Variants in ZSWIM6 observed in about 807,000 individuals in gnomAD.
ZSWIM6 encodes zinc finger SWIM domain-containing protein 6.
ZSWIM6 carries 9 observed loss-of-function variants against 113.2 expected under a neutral mutation model. That is an observed-to-expected ratio of 0.08 (90% CI 0.05 to 0.14). The LOEUF is 0.14. Among genes scored for constraint, ZSWIM6 ranks in the 10% least tolerant of loss-of-function variants. The pLI is 1.00. For missense variants in ZSWIM6, 1,162 were observed against 1,552.2 expected, an observed-to-expected ratio of 0.75 and a Z score of 4.22; for synonymous variants, 611 against 606.5, an observed-to-expected ratio of 1.01 and a Z score of -0.11.
chr5:61,487,821 G>A (rs1199626168), intron 2 of ZSWIM6, among the ~76,000 whole-genome samples: 1 of 151,984 alleles, frequency 6.6e-6, no homozygotes, highest in East Asian at 1.9e-4. Context: ...TATCATCCGT[G>A]AACAGGGATA....
intron 1 of ZSWIM6, among the ~76,000 whole-genome samples, chr5:61,386,709 G>A (rs1272304471): frequency 6.6e-6 from 1 of 152,158 alleles, no homozygotes; most frequent in Admixed American, 6.5e-5. Flanking sequence ...TGCTAATCAG[G>A]AATATATTTT....
Position 61,521,423 on chromosome 5 carries a change from G to T in ZSWIM6, c.1494G>T (p.Gln498His), listed in dbSNP as rs1003655888. The stretch of plus-strand genomic sequence containing the variant: ...CCAACTTAACCAATGCTCTGCCTCA[G>T]GGTGCAAATGCCAACCAAGGTGAGT... ...ELPNLTNALP[Q>H]GANANQDSSN... Residue 498 changes from glutamine to histidine, a missense_variant, in exon 5 of 14, where the codon CAG (glutamine) becomes CAT (histidine). Physicochemically the swap from Gln to His is conservative, Grantham distance 24. Transcript: ENST00000252744. 6.8e-7 allele frequency: 1 copy of T among 1,480,582 alleles called. No homozygotes were observed. Among genetic ancestry groups the T allele is most frequent in the African/African-American group, 1.4e-5 (1 of 69,798 alleles). 91.7% of individuals were successfully genotyped at this position (1,480,582 alleles called of 1,614,324 possible). A position where few individuals can be genotyped will look rare whatever the true frequency, so the allele number is the denominator to read the frequency against.
chr5:61,540,935 TTTGTTG>T (rs796968614), intron 12 of ZSWIM6, among the ~76,000 whole-genome samples: 63 of 130,416 alleles, frequency 4.8e-4, no homozygotes, highest in South Asian at 1.0e-3. Context: ...TTTTTTTTTT[TTTGTTG>T]TTGTTGTTGT....
chr5:61,486,318 ATTGTG>A (rs1748021342), intron 2 of ZSWIM6, among the ~76,000 whole-genome samples: 1 of 152,012 alleles, frequency 6.6e-6, no homozygotes, highest in African/African-American at 2.4e-5. Context: ...ATAGTATTTC[ATTGTG>A]TATCTGTACC....
chr5:61,517,375 C>T (rs542997706), intron 4 of ZSWIM6, among the ~76,000 whole-genome samples: 1 of 152,284 alleles, frequency 6.6e-6, no homozygotes, highest in South Asian at 2.1e-4. Flanking sequence ...CATTCACTGA[C>T]TTTTCCCTCT....
Position 61,521,454 on chromosome 5 carries a change from A to G in ZSWIM6, c.1513+12A>G, listed in dbSNP as rs1749118855. 6.9e-7 allele frequency: 1 copy of G among 1,445,266 alleles called. No homozygotes were observed. The highest frequency in any genetic ancestry group is 9.2e-7 in the Non-Finnish European group (1 of 1,091,524). 89.5% of individuals were successfully genotyped at this position (1,445,266 alleles called of 1,614,324 possible). On this transcript the variant is annotated intron_variant, in intron 5 of 13. Transcript: ENST00000252744. The stretch of plus-strand genomic sequence containing the variant: ...AAATGCCAACCAAGGTGAGTCTACC[A>G]TAATGTTCTGCTTAAATTGTAGCTA...
In ZSWIM6 at chr5:61,543,316, ATTACT is replaced by A. The variant is rs2112296575; in HGVS notation, c.2786-134_2786-130del. On this transcript the variant is annotated intron_variant, in intron 13 of 13. Coordinates refer to ENST00000252744, the MANE Select transcript of ZSWIM6 (RefSeq NM_020928.2). The surrounding 1 kb of genome is among the most constrained non-coding windows in gnomAD (Gnocchi z 4.3). ...ATTCTTAAAGGTTTCTCACAGGCAC[ATTACT>A]TTACAGGATTTTCTAGCCTAGCTCA... The A allele has an allele frequency of 9.9e-7, 1 of 1,006,864 alleles. No homozygotes were observed. 62.4% of individuals were successfully genotyped at this position (1,006,864 alleles called of 1,614,324 possible).
chr5:61,506,738 A>G (rs1748632164), intron 4 of ZSWIM6, among the ~76,000 whole-genome samples: 2 of 152,194 alleles, frequency 1.3e-5, no homozygotes, highest in African/African-American at 2.4e-5. Context: ...TATGCCAGTG[A>G]TCTCCTATTT....
intron 1 of ZSWIM6, among the ~76,000 whole-genome samples, chr5:61,444,896 C>G (rs1033438860): frequency 2.0e-5 from 3 of 152,108 alleles, no homozygotes; most frequent in Non-Finnish European, 4.4e-5. Flanking sequence ...TGAGTAGTGT[C>G]AATATTCAAG....
chr5:61,384,037 C>A (rs1001674813), intron 1 of ZSWIM6, among the ~76,000 whole-genome samples: 1 of 148,406 alleles, frequency 6.7e-6, no homozygotes, highest in African/African-American at 2.5e-5. Flanking sequence ...GTCAGGAGAT[C>A]GAGACCATCC....
rs555352488 is a variant in ZSWIM6 at position 61,516,066 on chromosome 5, C to T, written c.1334-5197C>T. Among the ~76,000 whole-genome samples the T allele has an allele frequency of 7.6e-4, 115 of 151,774 alleles. 1 individual carries two copies. Among genetic ancestry groups the T allele is most frequent in the Middle Eastern group, 6.8e-3 (2 of 292 alleles). On this transcript the variant is annotated intron_variant, in intron 4 of 13. Transcript: ENST00000252744. The stretch of plus-strand genomic sequence containing the variant: ...ATGTCATTATATTTACAGTGGATTT[C>T]TTATACACAGTATAAGAAAGATTTG...
intron 13 of ZSWIM6, among the ~76,000 whole-genome samples, chr5:61,542,294 A>G (rs982552995): frequency 6.6e-6 from 1 of 152,204 alleles, no homozygotes; most frequent in Non-Finnish European, 1.5e-5. Context: ...CTGAAGGCAT[A>G]CATCATGGTA....
chr5:61,439,068 A>G (rs2112144679), intron 1 of ZSWIM6, among the ~76,000 whole-genome samples: 1 of 152,322 alleles, frequency 6.6e-6, no homozygotes, highest in Non-Finnish European at 1.5e-5. Context: ...ATTCCTATTA[A>G]ACCTATCCTT....
intron 1 of ZSWIM6, among the ~76,000 whole-genome samples, chr5:61,447,768 AT>A (rs1746995996): frequency 6.6e-6 from 1 of 152,182 alleles, no homozygotes; most frequent in African/African-American, 2.4e-5. Flanking sequence ...CAGAAAGCCA[AT>A]CACTGAGACA....
At chr5:61,523,368 T>A (rs1749184495) in intron 5 of ZSWIM6, among the ~76,000 whole-genome samples, 1 of 152,224 alleles carries the variant, frequency 6.6e-6, no homozygotes, top group African/African-American at 2.4e-5. Context: ...GCTGAGGTAA[T>A]TTTTTAGAAT....
At chr5:61,520,051 A>G (rs1025267488) in intron 4 of ZSWIM6, among the ~76,000 whole-genome samples, 1 of 152,192 alleles carries the variant, frequency 6.6e-6, no homozygotes, top group African/African-American at 2.4e-5. Context: ...GGTTCCTAAC[A>G]GGCCATGGCT....
chr5:61,417,287 C>T (rs960634393), intron 1 of ZSWIM6, among the ~76,000 whole-genome samples: 2 of 152,172 alleles, frequency 1.3e-5, no homozygotes, highest in South Asian at 2.1e-4. Context: ...AAGATCCTGC[C>T]TCAATATATA....
chr5:61,541,901 G>A lies in ZSWIM6; in HGVS notation c.2721G>A (p.Leu907=). The A allele has an allele frequency of 6.4e-7, 1 of 1,550,596 alleles. No homozygotes were observed. The highest frequency in any genetic ancestry group is 1.4e-5 in the African/African-American group (1 of 73,082). The change falls in exon 13 of 14, where the codon CTG becomes CTA. Residue 907 remains leucine (L), a synonymous_variant. Transcript: ENST00000252744. ...ELGLQVMRMT[L]STLNWRRREM... ...TTTTATAGGTTATGCGAATGACACT[G>A]TCAACCTTAAATTGGCGACGGCGGG...
chr5:61,353,655 A>T (rs1008130564), intron 1 of ZSWIM6, among the ~76,000 whole-genome samples: 4 of 152,228 alleles, frequency 2.6e-5, no homozygotes, highest in African/African-American at 4.8e-5. Flanking sequence ...CCCATTCACG[A>T]TATAGTACCT....
Sources: allele counts gnomAD v4.1 joint callset (sites outside exome capture counted in the v4.1 genomes callset), GRCh38; gene constraint gnomAD v4.1.1; non-coding constraint Gnocchi (gnomAD v3.1); transcripts MANE v1.5; gene names NCBI Gene and HGNC (gene_info 2026-07-23, HGNC 2026-07-21).